Variants in INSYN2A observed in about 807,000 individuals in gnomAD.
The protein encoded by INSYN2A is inhibitory synaptic factor 2A.
In INSYN2A, 17 loss-of-function variants were observed where a neutral mutation model predicts 39.4. The ratio of observed to expected loss-of-function variants is 0.43; its 90% CI spans 0.30 to 0.65. The LOEUF is 0.65. Among genes scored for constraint, INSYN2A ranks in the 30% least tolerant of loss-of-function variants. The pLI is 0.14. For missense variants in INSYN2A, 595 were observed against 631.2 expected (o/e 0.94, Z 0.61); for synonymous variants, 255 against 265.7 (o/e 0.96, Z 0.39).
intron 4 of INSYN2A, among the ~76,000 whole-genome samples, chr10:127,160,981 A>G (rs1274518087): frequency 6.6e-6 from 1 of 152,228 alleles, no homozygotes; most frequent in Non-Finnish European, 1.5e-5. Context: ...GAGGCATAAA[A>G]TGATACCACC....
chr10:127,174,915 C>A (rs925402496), intron 4 of INSYN2A, among the ~76,000 whole-genome samples: 4 of 152,216 alleles, frequency 2.6e-5, no homozygotes, highest in Admixed American at 6.5e-5. Flanking sequence ...ATATCATAAA[C>A]CTTTAGCCCT....
At chr10:127,181,533 C>G (rs2055735197) in intron 2 of INSYN2A, among the ~76,000 whole-genome samples, 1 of 152,174 alleles carries the variant, frequency 6.6e-6, no homozygotes, top group Non-Finnish European at 1.5e-5. Context: ...GCTAGGCAAG[C>G]AGTCAGAGGA....
chr10:127,168,704 G>A (rs925581865), intron 4 of INSYN2A, among the ~76,000 whole-genome samples: 2 of 152,146 alleles, frequency 1.3e-5, no homozygotes, highest in Non-Finnish European at 2.9e-5. Flanking sequence ...AATTGGGATG[G>A]GATCACCTCA....
chr10:127,170,367 C>G (rs1266511672), intron 4 of INSYN2A, among the ~76,000 whole-genome samples: 1 of 152,178 alleles, frequency 6.6e-6, no homozygotes, highest in Non-Finnish European at 1.5e-5. Context: ...AGGTAACACC[C>G]AGCAAATGCT....
intron 2 of INSYN2A, among the ~76,000 whole-genome samples, chr10:127,183,071 C>CTT (rs3066813): frequency 4.5e-5 from 4 of 88,614 alleles, no homozygotes; most frequent in East Asian, 4.4e-4. Flanking sequence ...TATGGTGAAT[C>CTT]TTTTTTTTTT....
At chr10:127,150,212 A>C (rs2133447982) in intron 5 of INSYN2A, among the ~76,000 whole-genome samples, 1 of 152,280 alleles carries the variant, frequency 6.6e-6, no homozygotes, top group East Asian at 1.9e-4. Flanking sequence ...TGCCCAAGGA[A>C]CTCACTGGGT....
chr10:127,147,745 G>A (rs1199150697), intron 5 of INSYN2A, among the ~76,000 whole-genome samples: 2 of 152,048 alleles, frequency 1.3e-5, no homozygotes, highest in African/African-American at 4.8e-5. Flanking sequence ...AATTCCACCT[G>A]TCCTTGTCTG....
At chr10:127,182,746 T>C (rs1589818807) in intron 2 of INSYN2A, among the ~76,000 whole-genome samples, 1 of 152,120 alleles carries the variant, frequency 6.6e-6, no homozygotes, top group African/African-American at 2.4e-5. Context: ...ACCTGTGAGA[T>C]TGGTAAAAGG....
intron 1 of INSYN2A, among the ~76,000 whole-genome samples, chr10:127,195,481 TCTC>T (rs1172791448): frequency 5.9e-5 from 9 of 151,962 alleles, no homozygotes; most frequent in African/African-American, 1.9e-4. Context: ...TGCTCGCGCC[TCTC>T]CTCAACGGCC....
rs764060092 is a variant in INSYN2A at position 127,176,162 on chromosome 10, C to T, written c.234G>A (p.Val78=). ...ATTTGCGGTAGGCTGCTCTGCAGGA[C>T]ACGGGCTTGGCCTCCCGCTTCTCCC... is the stretch of plus-strand genomic sequence containing the variant. The part of the protein sequence containing the change: ...QLGEKREAKP[V]SCRAAYRKYM... Residue 78 remains valine (V), a synonymous_variant, in exon 4 of 6, where the codon GTG becomes GTA. Transcript: ENST00000522781. The surrounding 1 kb of genome is among the most constrained non-coding windows in gnomAD (Gnocchi z 4.4). 2.5e-6 allele frequency: 4 copies of T among 1,614,002 alleles called. No homozygotes were observed. The highest frequency in any genetic ancestry group is 2.7e-5 in the African/African-American group (2 of 74,902).
rs533613747 is a variant in INSYN2A at position 127,184,321 on chromosome 10, C to G, written c.-268-7182G>C. Reference sequence around the variant, plus strand: ...CGGCTTGCTCAATTCATTCCCCCCCCAGTCTAATCCCCCAAATCAGTCGTC... The same window carrying G: ...CGGCTTGCTCAATTCATTCCCCCCCGAGTCTAATCCCCCAAATCAGTCGTC... On this transcript the variant is annotated intron_variant, in intron 2 of 5. Transcript: ENST00000522781. Among the ~76,000 whole-genome samples, 10 of 151,160 alleles carry G rather than the reference C, an allele frequency of 6.6e-5. No homozygotes were observed. In the East Asian group the frequency reaches 1.6e-3, roughly 24 times the overall value.
chr10:127,160,916 A>T (rs2053541967), intron 4 of INSYN2A, among the ~76,000 whole-genome samples: 1 of 152,188 alleles, frequency 6.6e-6, no homozygotes, highest in South Asian at 2.1e-4. Flanking sequence ...GCCATCATTT[A>T]TGTCAGCATC....
At chr10:127,182,301 T>A (rs972219925) in intron 2 of INSYN2A, among the ~76,000 whole-genome samples, 2 of 152,104 alleles carry the variant, frequency 1.3e-5, no homozygotes, top group Non-Finnish European at 2.9e-5. Context: ...AAAACACTCT[T>A]AACGAACAAA....
At chr10:127,162,605 G>A (rs1282054039) in intron 4 of INSYN2A, among the ~76,000 whole-genome samples, 1 of 152,160 alleles carries the variant, frequency 6.6e-6, no homozygotes, top group Non-Finnish European at 1.5e-5. Context: ...GCCAGGAATC[G>A]AGATTTAAAC....
At chr10:127,180,879 C>T (rs961894483) in intron 2 of INSYN2A, among the ~76,000 whole-genome samples, 2 of 152,276 alleles carry the variant, frequency 1.3e-5, no homozygotes, top group East Asian at 1.9e-4. Context: ...AAACGGTCAT[C>T]GTTGTGGTAT....
intron 1 of INSYN2A, among the ~76,000 whole-genome samples, chr10:127,194,983 G>C (rs1022351383): frequency 1.8e-5 from 2 of 111,362 alleles, no homozygotes; most frequent in Non-Finnish European, 3.7e-5. Flanking sequence ...GAGGGGTCCG[G>C]GCGGGAGCCC....
At chr10:127,171,137 TA>T (rs1396578849) in intron 4 of INSYN2A, among the ~76,000 whole-genome samples, 1 of 152,184 alleles carries the variant, frequency 6.6e-6, no homozygotes, top group Non-Finnish European at 1.5e-5. Flanking sequence ...TCACAGAGGT[TA>T]ACCTGTCTCA....
rs1317060833 is a variant in INSYN2A, at chr10:127,196,311, G to A, written c.-709C>T. Among the ~76,000 whole-genome samples the A allele has an allele frequency of 2.7e-5, 4 of 148,742 alleles. No individual in the cohort carries two copies. Among genetic ancestry groups the A allele is most frequent in the African/African-American group, 9.7e-5 (4 of 41,082 alleles). ...GAGGCAGCGGCTGGGCCAGCTCCGG[G>A]GACGCCCGCGCGCTCGCTTGCTCGC... On this transcript the variant is annotated 5_prime_UTR_variant, in exon 1 of 6. Transcript: ENST00000522781.
At chr10:127,190,664 T>TCCCCCCCCC (rs1491352928) in intron 2 of INSYN2A, among the ~76,000 whole-genome samples, 2 of 15,230 alleles carry the variant, frequency 1.3e-4, no homozygotes, top group South Asian at 3.2e-3. Flanking sequence ...AAATCCTATC[T>TCCCCCCCCC]TCCCCCCCCC....
Sources: gnomAD v4.1 joint callset for allele counts (sites outside exome capture counted in the v4.1 genomes callset) on GRCh38, gnomAD v4.1.1 for gene constraint, Gnocchi (gnomAD v3.1) non-coding constraint, MANE v1.5 for transcripts, NCBI Gene and HGNC (gene_info 2026-07-23, HGNC 2026-07-21) for gene names.